The following FAM234B variants were observed in gnomAD, a reference collection of about 807,000 sequenced individuals.
FAM234B encodes the protein family with sequence similarity 234 member B.
Under a neutral mutation model 69.3 loss-of-function variants are expected in FAM234B, and 33 were observed. The observed-to-expected ratio is 0.48, with a 90% CI of 0.36 to 0.64. The LOEUF (loss-of-function observed/expected upper bound fraction) is 0.64, where lower values mean the gene tolerates loss of function less well. Ranked by LOEUF, FAM234B falls within the 30% of genes least tolerant of loss-of-function variation. The pLI is 0.00. For missense variants in FAM234B, 697 were observed against 769.7 expected (o/e 0.91, Z 1.12); for synonymous variants, 306 against 306.9 (o/e 1.00, Z 0.03).
chr12:13,073,071 G>T (rs1865124373), intron 10 of FAM234B, among the ~76,000 whole-genome samples: 1 of 152,168 alleles, frequency 6.6e-6, no homozygotes, highest in African/African-American at 2.4e-5. Flanking sequence ...CTCTGGTGAA[G>T]CTTTCCCAGG....
intron 10 of FAM234B, among the ~76,000 whole-genome samples, chr12:13,072,790 T>G (rs945482960): frequency 2.6e-5 from 4 of 152,024 alleles, no homozygotes; most frequent in African/African-American, 9.6e-5. Context: ...TTCAAGACAC[T>G]TTGTAAGCAC....
chr12:13,080,426 T>C (rs114869037), intron 12 of FAM234B, among the ~76,000 whole-genome samples, 199 bp from the exon 13 acceptor site: 180 of 152,314 alleles, frequency 1.2e-3, no homozygotes, highest in African/African-American at 4.3e-3. Flanking sequence ...TATTATAGTC[T>C]AGTGCAAAGT....
chr12:13,058,781 C>T (rs534529998), intron 3 of FAM234B, among the ~76,000 whole-genome samples: 10 of 152,256 alleles, frequency 6.6e-5, no homozygotes, highest in African/African-American at 1.9e-4. Flanking sequence ...GTGACCAGGC[C>T]AGTGAAGAAA....
chr12:13,071,366 C>G lies in FAM234B; in HGVS notation c.1494C>G (p.Ala498=), dbSNP rs374898629. ...SDQKSVFLFW[A]EGLSAASPNS... ...AGAAGTCTGTCTTCCTCTTCTGGGC[C>G]GAAGGGCTGTCAGCTGCATCTCCCA... The change falls in exon 10 of 13, where the codon GCC becomes GCG. Residue 498 remains alanine, a synonymous_variant. Transcript: ENST00000197268. The G allele has an allele frequency of 8.7e-6, 14 of 1,614,086 alleles. No homozygotes were observed. The highest frequency in any genetic ancestry group is 4.5e-5 in the East Asian group (2 of 44,874).
At position 13,072,017 on chromosome 12, in the gene FAM234B, C is replaced by T. The variant is rs1004232894; in HGVS notation, c.1524+621C>T. On this transcript the variant is annotated intron_variant, in intron 10 of 12. Transcript: ENST00000197268. ...GTACTGGGGAGTTTTTAGTAAGACC[C>T]GCCCTGCCTGAGTTCAATGAAACAC... 3.3e-5 allele frequency among the ~76,000 whole-genome samples: 5 copies of T among 152,236 alleles called. No individual in the cohort carries two copies. In the East Asian group the frequency reaches 5.8e-4, roughly 18 times the overall value.
chr12:13,055,727 C>CCA lies in FAM234B; in HGVS notation c.217_218dup (p.Leu74IlefsTer37), dbSNP rs763576933. Reference sequence around the variant, plus strand: ...TGCTGAGGTTGCAGAGGCTGCAAAGCCACATCTTTCAGAAGTCACCACGGA... The same window carrying CCA: ...TGCTGAGGTTGCAGAGGCTGCAAAGCCACACATCTTTCAGAAGTCACCACGGA... On this transcript the variant is annotated frameshift_variant, in exon 2 of 13. Transcript: ENST00000197268. LOFTEE classifies it high-confidence loss of function. 2 of 1,614,224 alleles carry CCA rather than the reference C, an allele frequency of 1.2e-6. No individual in the cohort carries two copies. The highest frequency in any genetic ancestry group is 2.2e-5 in the South Asian group (2 of 91,084).
At chr12:13,080,133 TG>T in intron 12 of FAM234B, 124 bp downstream of exon 12, 1 of 678,552 alleles carries the variant, frequency 1.5e-6, no homozygotes, top group Non-Finnish European at 2.5e-6. Flanking sequence ...TCAAGACAGT[TG>T]TTTTGGACCA....
chr12:13,066,840 G>A (rs1407618111), intron 6 of FAM234B, 53 bp downstream of exon 6: 5 of 1,572,328 alleles, frequency 3.2e-6, no homozygotes, highest in East Asian at 2.2e-5. Flanking sequence ...TTTGTGATGA[G>A]GCCTTCCTTG....
At chr12:13,051,445 C>T (rs2120446338) in intron 1 of FAM234B, among the ~76,000 whole-genome samples, 1 of 152,292 alleles carries the variant, frequency 6.6e-6, no homozygotes, top group East Asian at 1.9e-4. Context: ...TGCTAAAAAT[C>T]CAATTGCACA....
chr12:13,054,978 C>A (rs1864913554), intron 1 of FAM234B, among the ~76,000 whole-genome samples: 1 of 152,204 alleles, frequency 6.6e-6, no homozygotes, highest in Non-Finnish European at 1.5e-5. Context: ...GCATTCAAAT[C>A]ACAGGATGGT....
At position 13,071,120 on chromosome 12, in the gene FAM234B, A is replaced by C. The variant is rs1865100569; in HGVS notation, c.1369-121A>C. On this transcript the variant is annotated intron_variant, in intron 9 of 12. Coordinates refer to ENST00000197268, the MANE Select transcript of FAM234B (RefSeq NM_020853.2). ...GAACACCCAGTTTGCTTGCATCTTAAAAGCGCAGCGTGTTGATATTTGTGT... is the reference window on the plus strand; with the variant it reads ...GAACACCCAGTTTGCTTGCATCTTACAAGCGCAGCGTGTTGATATTTGTGT... 2.1e-5 allele frequency: 23 copies of C among 1,091,634 alleles called. No individual in the cohort carries two copies. In the East Asian group the frequency reaches 5.5e-4, roughly 26 times the overall value. The allele number at this position is 1,091,634 out of a possible 1,614,324, so 67.6% of individuals were successfully genotyped here.
At position 13,058,348 on chromosome 12, in the gene FAM234B, C is replaced by T. The variant is rs77733002; in HGVS notation, c.434-103C>T. 25 of 865,790 alleles carry T rather than the reference C, an allele frequency of 2.9e-5. 1 individual carries two copies. The highest frequency in any genetic ancestry group is 1.5e-4 in the East Asian group (6 of 41,046). The allele number at this position is 865,790 out of a possible 1,614,324, so 53.6% of individuals were successfully genotyped here. Reference sequence around the variant, plus strand: ...GAGAGGTGTGTCTACTATACCTAGTCGAGGAACTGGAGTCTGCCTGGTGTT... The same window carrying T: ...GAGAGGTGTGTCTACTATACCTAGTTGAGGAACTGGAGTCTGCCTGGTGTT... On this transcript the variant is annotated intron_variant, in intron 2 of 12. Coordinates refer to ENST00000197268, the MANE Select transcript of FAM234B (RefSeq NM_020853.2).
At chr12:13,056,318 A>T (rs1238231506) in intron 2 of FAM234B, among the ~76,000 whole-genome samples, 1 of 152,256 alleles carries the variant, frequency 6.6e-6, no homozygotes, top group Non-Finnish European at 1.5e-5. Context: ...GAGCTCTTGC[A>T]GAACCCTTTG....
intron 10 of FAM234B, among the ~76,000 whole-genome samples, chr12:13,074,994 C>T (rs1865144308): frequency 6.6e-6 from 1 of 152,318 alleles, no homozygotes; most frequent in South Asian, 2.1e-4. Flanking sequence ...CATGGGTGTA[C>T]TTCTGTGCCT....
At chr12:13,049,325 G>A (rs565157957) in intron 1 of FAM234B, among the ~76,000 whole-genome samples, 118 of 152,276 alleles carry the variant, frequency 7.7e-4, no homozygotes, top group Non-Finnish European at 1.3e-3. Context: ...GGTTACAGGC[G>A]CCTGCCACCA....
chr12:13,069,218 G>A (rs533700406), intron 9 of FAM234B, among the ~76,000 whole-genome samples: 1 of 152,290 alleles, frequency 6.6e-6, no homozygotes, highest in South Asian at 2.1e-4. Context: ...ATGTTCCAAG[G>A]ACACTGAATA....
At position 13,071,336 on chromosome 12, in the gene FAM234B, A is replaced by G; in HGVS notation, c.1464A>G (p.Ser488=). 1 of 1,614,118 alleles carries G rather than the reference A, an allele frequency of 6.2e-7. No homozygotes were observed. Among genetic ancestry groups the G allele is most frequent in the Admixed American group, 1.7e-5 (1 of 60,022 alleles). Residue 488 remains serine, a synonymous_variant, in exon 10 of 13, where the codon TCA becomes TCG. Transcript: ENST00000197268. ...CGCCAGCCACCTCAGCAGTTACTTCAGACCAGAAGTCTGTCTTCCTCTTCT... is the reference window on the plus strand; with the variant it reads ...CGCCAGCCACCTCAGCAGTTACTTCGGACCAGAAGTCTGTCTTCCTCTTCT... ...KETPATSAVT[S]DQKSVFLFWA...
intron 3 of FAM234B, among the ~76,000 whole-genome samples, chr12:13,061,194 T>A (rs1005810835): frequency 2.0e-5 from 3 of 152,218 alleles, no homozygotes; most frequent in African/African-American, 7.2e-5. Flanking sequence ...ATTTTGCTCC[T>A]GTCTCTTATT....
chr12:13,065,223 T>C (rs1865024993), intron 5 of FAM234B, among the ~76,000 whole-genome samples: 1 of 152,212 alleles, frequency 6.6e-6, no homozygotes, highest in Non-Finnish European at 1.5e-5. Flanking sequence ...ATCCCCTTTC[T>C]ATAGGAAAGC....
Sources: allele counts gnomAD v4.1 joint callset (sites outside exome capture counted in the v4.1 genomes callset), GRCh38; gene constraint gnomAD v4.1.1; transcripts MANE v1.5; gene names NCBI Gene and HGNC (gene_info 2026-07-23, HGNC 2026-07-21).